CPPED1: variants seen among roughly 807,000 people sequenced by gnomAD.
CPPED1 encodes serine/threonine-protein phosphatase CPPED1.
A neutral mutation model predicts 28.0 loss-of-function variants in CPPED1; 28 were observed. The observed-to-expected ratio is 1.00, with a 90% confidence interval of 0.74 to 1.37. The LOEUF is 1.37. CPPED1 is among the 40% of genes most tolerant of loss of function. The pLI, the probability that CPPED1 is intolerant of heterozygous loss-of-function variation, is 0.00. For missense variants in CPPED1, 504 were observed against 416.5 expected, an observed-to-expected ratio of 1.21 and a Z score of -1.83; for synonymous variants, 198 against 180.2, an observed-to-expected ratio of 1.10 and a Z score of -0.79.
At chr16:12,759,081 T>C (rs1418361619) in intron 2 of CPPED1, among the ~76,000 whole-genome samples, 6 of 146,388 alleles carry the variant, frequency 4.1e-5, no homozygotes, top group African/African-American at 1.5e-4. Context: ...CAGGATCACT[T>C]GAGCCCAAGA....
At chr16:12,755,666 C>T (rs928475157) in intron 2 of CPPED1, among the ~76,000 whole-genome samples, 6 of 152,104 alleles carry the variant, frequency 3.9e-5, no homozygotes, top group South Asian at 2.1e-4. Flanking sequence ...AAGGCTAATA[C>T]GCATACAATA....
chr16:12,779,389 T>C (rs2080516398), intron 2 of CPPED1, among the ~76,000 whole-genome samples: 1 of 151,426 alleles, frequency 6.6e-6, no homozygotes. Flanking sequence ...TGGCTAATTT[T>C]TTTTTTTTCT....
At chr16:12,688,464 G>C (rs963879114) in intron 3 of CPPED1, among the ~76,000 whole-genome samples, 1 of 151,144 alleles carries the variant, frequency 6.6e-6, no homozygotes. Flanking sequence ...TCAGCTTCCC[G>C]AGTAGCTGAG....
At chr16:12,774,724 C>T (rs1479360867) in intron 2 of CPPED1, among the ~76,000 whole-genome samples, 1 of 152,148 alleles carries the variant, frequency 6.6e-6, no homozygotes, top group Admixed American at 6.5e-5. Context: ...GCCATGCCCT[C>T]ATGAATGGAT....
At chr16:12,706,432 T>C (rs1028294238) in intron 2 of CPPED1, among the ~76,000 whole-genome samples, 2 of 148,604 alleles carry the variant, frequency 1.3e-5, no homozygotes, top group Admixed American at 1.3e-4. Flanking sequence ...CCAACCTAAA[T>C]ACTTTCTTTC....
In CPPED1 at chr16:12,670,994, G is replaced by A. The variant is rs2141166504; in HGVS notation, c.716-5879C>T. On this transcript the variant is annotated intron_variant, in intron 3 of 3. Transcript: ENST00000381774. This position sits in a 1 kb window ranked among gnomAD's most constrained non-coding sequence, Gnocchi z 4.2. The stretch of plus-strand genomic sequence containing the variant: ...GCCTCCTGAGTAGCTGGGATTACAG[G>A]TGCCTGCCACCATGCCCAGCTCACT... 6.6e-6 allele frequency among the ~76,000 whole-genome samples: 1 copy of A among 152,182 alleles called. No homozygotes were observed. The highest frequency in any genetic ancestry group is 2.1e-4 in the South Asian group (1 of 4,810).
At chr16:12,780,572 T>C (rs935455325) in intron 2 of CPPED1, among the ~76,000 whole-genome samples, 2 of 152,164 alleles carry the variant, frequency 1.3e-5, no homozygotes, top group South Asian at 2.1e-4. Flanking sequence ...AGCCACTATC[T>C]AGAGAGAGCC....
intron 2 of CPPED1, among the ~76,000 whole-genome samples, chr16:12,741,704 C>A (rs2141211335): frequency 6.6e-6 from 1 of 152,288 alleles, no homozygotes; most frequent in South Asian, 2.1e-4. Flanking sequence ...TGATGGTAAT[C>A]ACCATAGTCT....
At chr16:12,771,186 T>C (rs2080468628) in intron 2 of CPPED1, among the ~76,000 whole-genome samples, 1 of 152,180 alleles carries the variant, frequency 6.6e-6, no homozygotes, top group Non-Finnish European at 1.5e-5. Context: ...CTATATTCCT[T>C]ATTTCTAAGT....
At chr16:12,727,041 T>C (rs1019757477) in intron 2 of CPPED1, among the ~76,000 whole-genome samples, 2 of 152,136 alleles carry the variant, frequency 1.3e-5, no homozygotes, top group African/African-American at 4.8e-5. Context: ...TCACAGCACC[T>C]GTCAAGGAAC....
chr16:12,758,811 G>A (rs573631620), intron 2 of CPPED1, among the ~76,000 whole-genome samples: 4 of 152,180 alleles, frequency 2.6e-5, no homozygotes, highest in East Asian at 3.9e-4. Flanking sequence ...AACTGCAGCT[G>A]AATCTAGTAA....
intron 2 of CPPED1, among the ~76,000 whole-genome samples, chr16:12,764,333 A>T (rs189154889): frequency 2.0e-4 from 31 of 151,976 alleles, no homozygotes; most frequent in African/African-American, 7.2e-4. Context: ...CCTCCCAAGT[A>T]GCTGCGATAA....
intron 1 of CPPED1, among the ~76,000 whole-genome samples, chr16:12,800,672 A>G (rs2080653921): frequency 6.6e-6 from 1 of 152,134 alleles, no homozygotes; most frequent in Non-Finnish European, 1.5e-5. Flanking sequence ...AAAAATCCTT[A>G]GTTACCACCA....
At chr16:12,666,459 G>A (rs969099649) in intron 3 of CPPED1, among the ~76,000 whole-genome samples, 5 of 152,242 alleles carry the variant, frequency 3.3e-5, no homozygotes, top group Admixed American at 6.5e-5. Flanking sequence ...GAAGGAGGCT[G>A]AAGAACGCTG....
At chr16:12,696,608 A>AT (rs1320357438) in intron 3 of CPPED1, among the ~76,000 whole-genome samples, 3 of 151,380 alleles carry the variant, frequency 2.0e-5, no homozygotes, top group African/African-American at 4.9e-5. Context: ...CGCTCCACTA[A>AT]TTTTTTGTAT....
At chr16:12,744,518 G>A (rs1345725571) in intron 2 of CPPED1, among the ~76,000 whole-genome samples, 8 of 152,234 alleles carry the variant, frequency 5.3e-5, no homozygotes, top group East Asian at 3.9e-4. Context: ...AGCAGGCTAC[G>A]GCAGCCAGTG....
intron 2 of CPPED1, among the ~76,000 whole-genome samples, chr16:12,754,882 T>C (rs2080355058): frequency 6.6e-6 from 1 of 152,116 alleles, no homozygotes; most frequent in African/African-American, 2.4e-5. Context: ...CATGGTGGTG[T>C]GTACTTGTAG....
At chr16:12,759,188 A>AC (rs1722382809) in intron 2 of CPPED1, 3 of 142,742 alleles carry the variant, frequency 2.1e-5, no homozygotes. Flanking sequence ...AAAAAAAAAG[A>AC]CAAAAAAAAA....
At chr16:12,735,043 G>T (rs2080219601) in intron 2 of CPPED1, among the ~76,000 whole-genome samples, 1 of 152,292 alleles carries the variant, frequency 6.6e-6, no homozygotes, top group East Asian at 1.9e-4. Context: ...CAGAGAAGCA[G>T]CCGGGAGTAC....
Sources: allele counts gnomAD v4.1 joint callset (sites outside exome capture counted in the v4.1 genomes callset), GRCh38; gene constraint gnomAD v4.1.1; non-coding constraint Gnocchi (gnomAD v3.1); transcripts MANE v1.5; gene names NCBI Gene and HGNC (gene_info 2026-07-23, HGNC 2026-07-21).